Variants in NPTX2 observed in about 807,000 individuals in gnomAD.
NPTX2 encodes neuronal pentraxin-2.
Under a neutral mutation model 38.1 loss-of-function variants are expected in NPTX2, and 23 were observed. The ratio of observed to expected loss-of-function variants is 0.60; its 90% confidence interval spans 0.43 to 0.85. The LOEUF is 0.85. Ranked by LOEUF, NPTX2 falls within the 40% of genes least tolerant of loss-of-function variation. The pLI is 0.00. For synonymous variants in NPTX2, 291 were observed against 287.3 expected (o/e 1.01, Z -0.13); for missense variants, 553 against 615.3 (o/e 0.90, Z 1.07).
At position 98,629,434 on chromosome 7, in the gene NPTX2, G is replaced by T. The variant is rs1791408273; in HGVS notation, c.*805G>T. 6.6e-6 allele frequency: 1 copy of T among 152,038 alleles called. No individual in the cohort carries two copies. Among genetic ancestry groups the T allele is most frequent in the South Asian group, 2.1e-4 (1 of 4,816 alleles). The allele number at this position is 152,038 out of a possible 1,614,324, so 9.4% of individuals were successfully genotyped here. A position where few individuals can be genotyped will look rare whatever the true frequency, so the allele number is the denominator to read the frequency against. On this transcript the variant is annotated 3_prime_UTR_variant, in exon 5 of 5. Coordinates refer to ENST00000265634, the MANE Select transcript of NPTX2 (RefSeq NM_002523.3). ...TTACAACCATCCGGTGTGGTTTGGA[G>T]GATTTGTTTTTTTTTTTTCCCAACA...
intron 2 of NPTX2, among the ~76,000 whole-genome samples, chr7:98,623,534 GC>G (rs1461747366): frequency 2.0e-5 from 3 of 152,198 alleles, no homozygotes; most frequent in Non-Finnish European, 2.9e-5. Flanking sequence ...ACCTGCGGTT[GC>G]CCTGCCTCCC....
Position 98,617,816 on chromosome 7 carries a change from GA to G in NPTX2, c.356del (p.Asp119AlafsTer84). 1 of 1,541,362 alleles carries G rather than the reference GA, an allele frequency of 6.5e-7. No individual in the cohort carries two copies. Among genetic ancestry groups the G allele is most frequent in the South Asian group, 1.2e-5 (1 of 84,926 alleles). On this transcript the variant is annotated frameshift_variant, in exon 1 of 5. Transcript: ENST00000265634. LOFTEE classifies it high-confidence loss of function. ...GKDTMGDLPR[D>X]PGHVVEQLSR... The stretch of plus-strand genomic sequence containing the variant: ...GGACACTATGGGCGACCTGCCGCGG[GA>G]CCCCGGCCACGTCGTGGAGCAGCTC...
intron 2 of NPTX2, 104 bp downstream of exon 2, chr7:98,619,963 A>G (rs1241091352): frequency 1.6e-5 from 16 of 1,006,652 alleles, no homozygotes; most frequent in Non-Finnish European, 2.3e-5. Context: ...GTGACACCAC[A>G]TGGGCCTGGT....
At chr7:98,624,892 C>T in intron 2 of NPTX2, 30 bp from the exon 3 acceptor site, 1 of 1,596,802 alleles carries the variant, frequency 6.3e-7, no homozygotes, top group East Asian at 2.2e-5. Context: ...GCCTAACGCA[C>T]TCCTGGCCTC....
intron 1 of NPTX2, among the ~76,000 whole-genome samples, chr7:98,618,645 A>C (rs977222478): frequency 4.5e-5 from 6 of 132,138 alleles, no homozygotes; most frequent in African/African-American, 1.7e-4. Flanking sequence ...CTATCTCTGA[A>C]AATGCGTGCA....
In NPTX2 at chr7:98,628,943, T is replaced by TGTA; in HGVS notation, c.*315_*317dup. On this transcript the variant is annotated 3_prime_UTR_variant, in exon 5 of 5. Coordinates refer to ENST00000265634, the MANE Select transcript of NPTX2 (RefSeq NM_002523.3). Reference sequence around the variant, plus strand: ...TCCAGCAGCCCCTCTTCAGAGCCCCTGTAAATGCTATCGCAGCCTGAGTCC... The same window carrying TGTA: ...TCCAGCAGCCCCTCTTCAGAGCCCCTGTAGTAAATGCTATCGCAGCCTGAGTCC... 3.6e-6 allele frequency: 1 copy of TGTA among 279,326 alleles called. No homozygotes were observed. The highest frequency in any genetic ancestry group is 6.7e-6 in the Non-Finnish European group (1 of 148,602). 17.3% of individuals were successfully genotyped at this position (279,326 alleles called of 1,614,324 possible).
rs373231542 is a variant in NPTX2, at chr7:98,628,561, G to A, written c.1228G>A (p.Val410Ile). 3.5e-5 allele frequency: 57 copies of A among 1,611,110 alleles called. No homozygotes were observed. Among genetic ancestry groups the A allele is most frequent in the African/African-American group, 2.3e-4 (17 of 75,016 alleles). Reference protein sequence around the residue: ...GNIIPWVDNNVDVFGGASKWP... With the variant: ...GNIIPWVDNNIDVFGGASKWP... ...CATCATCCCGTGGGTGGACAATAAC[G>A]TCGATGTGTTCGGAGGGGCCTCCAA... The change falls in exon 5 of 5, where the codon GTC (valine) becomes ATC (isoleucine). Residue 410 changes from valine to isoleucine, a missense_variant. By Grantham distance (29) the Val-to-Ile change is conservative. Coordinates refer to ENST00000265634, the MANE Select transcript of NPTX2 (RefSeq NM_002523.3).
At chr7:98,626,140 C>G (rs2115630179) in intron 3 of NPTX2, among the ~76,000 whole-genome samples, 1 of 132,364 alleles carries the variant, frequency 7.6e-6, no homozygotes, top group South Asian at 2.5e-4. Flanking sequence ...GAGCGATACC[C>G]TGTCTCAAAA....
At chr7:98,617,916 C>A in intron 1 of NPTX2, 29 bp downstream of exon 1, 1 of 1,537,144 alleles carries the variant, frequency 6.5e-7, no homozygotes, top group African/African-American at 1.4e-5. Context: ...CGCGGGGGAC[C>A]TGGAATGGGG....
intron 3 of NPTX2, among the ~76,000 whole-genome samples, chr7:98,626,113 C>T (rs527797137): frequency 6.8e-6 from 1 of 146,082 alleles, no homozygotes; most frequent in Admixed American, 7.0e-5. Context: ...CACCACTGTA[C>T]TCCAGCCTGG....
rs139692043 is a variant in NPTX2, at chr7:98,619,764, A to G, written c.548A>G (p.Glu183Gly). ...LLRKVAELED[E>G]KSLLHNETSA... is the part of the protein sequence containing the mutation. ...CGCAAGGTGGCAGAGCTGGAGGACG[A>G]GAAGTCCCTGCTGCACAATGAGACC... is the stretch of plus-strand genomic sequence containing the variant. The change falls in exon 2 of 5, where the codon GAG (glutamate) becomes GGG (glycine). Residue 183 changes from glutamate (E) to glycine (G), a missense_variant. Transcript: ENST00000265634. 2 of 1,613,662 alleles carry G rather than the reference A, an allele frequency of 1.2e-6. No individual in the cohort carries two copies. The highest frequency in any genetic ancestry group is 1.3e-5 in the African/African-American group (1 of 75,072).
chr7:98,628,529 C>T lies in NPTX2; in HGVS notation c.1196C>T (p.Pro399Leu), dbSNP rs553029244. ...VNIANCSTNMPGNIIPWVDNN... is the reference protein window; with the variant it reads ...VNIANCSTNMLGNIIPWVDNN... The stretch of plus-strand genomic sequence containing the variant: ...ATCGCCAACTGCTCCACAAACATGC[C>T]GGGCAACATCATCCCGTGGGTGGAC... The change falls in exon 5 of 5, where the codon CCG (proline) becomes CTG (leucine). Residue 399 changes from proline to leucine, a missense_variant. Pro to Leu is a moderately conservative substitution (Grantham distance 98). Coordinates refer to ENST00000265634, the MANE Select transcript of NPTX2 (RefSeq NM_002523.3). 8.4e-5 allele frequency: 135 copies of T among 1,611,350 alleles called. No homozygotes were observed. Among genetic ancestry groups the T allele is most frequent in the Admixed American group, 7.3e-4 (44 of 59,876 alleles).
In NPTX2 at chr7:98,629,647, A is replaced by C. The variant is rs924625013; in HGVS notation, c.*1018A>C. ...GAGATTGTCTGAGTGACTCCAAGCT[A>C]CTCACTGTATTGGACGGGAGTAGTA... On this transcript the variant is annotated 3_prime_UTR_variant, in exon 5 of 5. Transcript: ENST00000265634. 2 of 152,550 alleles carry C rather than the reference A, an allele frequency of 1.3e-5. No homozygotes were observed. Among genetic ancestry groups the C allele is most frequent in the Admixed American group, 1.3e-4 (2 of 15,272 alleles). The allele number at this position is 152,550 out of a possible 1,614,324, so 9.4% of individuals were successfully genotyped here.
Position 98,619,699 on chromosome 7 carries a change from G to T in NPTX2, c.483G>T (p.Val161=), listed in dbSNP as rs751420783. The change falls in exon 2 of 5, where the codon GTG becomes GTT. Residue 161 remains valine, a synonymous_variant. Coordinates refer to ENST00000265634, the MANE Select transcript of NPTX2 (RefSeq NM_002523.3). ...GGCTGCCCGGCGACTTCCGCGAGGTGCTCCAGCAGCGGCTGGGGGAGCTGG... is the reference window on the plus strand; with the variant it reads ...GGCTGCCCGGCGACTTCCGCGAGGTTCTCCAGCAGCGGCTGGGGGAGCTGG... ...NAGLPGDFRE[V]LQQRLGELER... 19 of 1,613,392 alleles carry T rather than the reference G, an allele frequency of 1.2e-5. No individual in the cohort carries two copies. The highest frequency in any genetic ancestry group is 1.6e-4 in the Middle Eastern group (1 of 6,084).
rs142543231 is a variant in NPTX2, at chr7:98,628,410, G to C, written c.1077G>C (p.Val359=). Residue 359 remains valine (V), a synonymous_variant, in exon 5 of 5, where the codon GTG becomes GTC. Coordinates refer to ENST00000265634, the MANE Select transcript of NPTX2 (RefSeq NM_002523.3). The part of the protein sequence containing the change: ...VLILGQEQDT[V]GGRFDATQAF... ...TTGTTCCCATTCCCCAGGACACCGT[G>C]GGGGGTAGGTTTGATGCCACTCAGG... is the stretch of plus-strand genomic sequence containing the variant. The C allele has an allele frequency of 1.1e-5, 18 of 1,581,400 alleles. No homozygotes were observed. The highest frequency in any genetic ancestry group is 1.7e-5 in the Admixed American group (1 of 59,302).
rs1400343944 is a variant in NPTX2, at chr7:98,619,069, A to G, written c.427-574A>G. ...GGGTAGGCAGCCTGCCACAGCCTCC[A>G]GAACCACATGATGGTAGGGGAGAAA... On this transcript the variant is annotated intron_variant, in intron 1 of 4. Coordinates refer to ENST00000265634, the MANE Select transcript of NPTX2 (RefSeq NM_002523.3). Among the ~76,000 whole-genome samples, 4 of 152,344 alleles carry G rather than the reference A, an allele frequency of 2.6e-5. No homozygotes were observed. The East Asian group carries it at 5.8e-4, about 22-fold the overall frequency.
intron 1 of NPTX2, 143 bp downstream of exon 1, chr7:98,618,030 A>C: frequency 1.3e-6 from 1 of 792,982 alleles, no homozygotes; most frequent in Non-Finnish European, 1.9e-6. Context: ...TTGAGGGTGA[A>C]AGGCGGGGAT....
At chr7:98,625,227 G>T in intron 3 of NPTX2, 61 bp downstream of exon 3, 1 of 1,532,740 alleles carries the variant, frequency 6.5e-7, no homozygotes, top group Non-Finnish European at 8.8e-7. Flanking sequence ...GGGAGCCACA[G>T]CCCCCACCCC....
At chr7:98,623,234 G>A (rs1371413194) in intron 2 of NPTX2, among the ~76,000 whole-genome samples, 4 of 152,180 alleles carry the variant, frequency 2.6e-5, no homozygotes, top group Non-Finnish European at 4.4e-5. Flanking sequence ...GGCAGGGTCT[G>A]GTTCTCAAAT....
Sources: allele counts gnomAD v4.1 joint callset (sites outside exome capture counted in the v4.1 genomes callset), GRCh38; gene constraint gnomAD v4.1.1; transcripts MANE v1.5; gene names NCBI Gene and HGNC (gene_info 2026-07-23, HGNC 2026-07-21).